The following TUSC3 variants were observed in gnomAD, a reference collection of about 807,000 sequenced individuals.
TUSC3 encodes dolichyl-diphosphooligosaccharide--protein glycosyltransferase subunit TUSC3.
TUSC3 carries 45 observed loss-of-function variants against 44.8 expected under a neutral mutation model. The ratio of observed to expected loss-of-function variants is 1.00; its 90% confidence interval spans 0.79 to 1.29. The LOEUF (loss-of-function observed/expected upper bound fraction) is 1.29, where lower values mean the gene tolerates loss of function less well. Ranked by LOEUF, TUSC3 falls within the 50% of genes most tolerant of loss-of-function variation. The probability of loss-of-function intolerance (pLI) is 0.00; values close to 1 mark genes in which losing one functional copy is unlikely to be tolerated. For synonymous variants in TUSC3, 212 were observed against 152.9 expected (o/e 1.39, Z -2.85); for missense variants, 519 against 437.9 (o/e 1.19, Z -1.65).
intron 1 of TUSC3, among the ~76,000 whole-genome samples, chr8:15,422,571 A>T (rs185419159): frequency 1.3e-5 from 2 of 152,310 alleles, no homozygotes; most frequent in East Asian, 3.9e-4. Flanking sequence ...AAGACGGTAG[A>T]TTTTAACTGC....
intron 1 of TUSC3, among the ~76,000 whole-genome samples, chr8:15,461,324 C>T (rs919086439): frequency 2.0e-5 from 3 of 151,952 alleles, no homozygotes; most frequent in Non-Finnish European, 4.4e-5. Flanking sequence ...AAGTTCTTGA[C>T]TTGATTCTCT....
At chr8:15,823,370 T>G in the TUSC3 span, among the ~76,000 whole-genome samples, 1 of 152,162 alleles carries the variant, frequency 6.6e-6, no homozygotes, top group Admixed American at 6.6e-5. Context: ...GACTGCCTCA[T>G]TTCAAAACTC....
chr8:15,431,951 T>G (rs1455784222), intron 1 of TUSC3, among the ~76,000 whole-genome samples: 1 of 151,842 alleles, frequency 6.6e-6, no homozygotes, highest in Non-Finnish European at 1.5e-5. Flanking sequence ...GCACTATCTT[T>G]GCATTCCAGG....
At chr8:15,762,592 G>A (rs1369086069) in intron 10 of TUSC3, among the ~76,000 whole-genome samples, 1 of 152,022 alleles carries the variant, frequency 6.6e-6, no homozygotes, top group Non-Finnish European at 1.5e-5. Context: ...TTAGTGCTCC[G>A]TAACTTGAAA....
At chr8:15,685,197 G>T (rs2129187177) in intron 6 of TUSC3, among the ~76,000 whole-genome samples, 1 of 152,188 alleles carries the variant, frequency 6.6e-6, no homozygotes, top group Non-Finnish European at 1.5e-5. Flanking sequence ...GGTCTTTGGG[G>T]GTCTTGGGAA....
At chr8:15,754,222 T>C (rs950997752) in intron 9 of TUSC3, among the ~76,000 whole-genome samples, 2 of 152,128 alleles carry the variant, frequency 1.3e-5, no homozygotes, top group Non-Finnish European at 2.9e-5. Flanking sequence ...CTTTAGTACT[T>C]CTGCAAAGAC....
intron 2 of TUSC3, among the ~76,000 whole-genome samples, chr8:15,517,053 C>G (rs1385438843): frequency 6.6e-6 from 1 of 152,110 alleles, no homozygotes; most frequent in Non-Finnish European, 1.5e-5. Flanking sequence ...CCTTTTGTGC[C>G]TTTATACCCA....
At chr8:15,432,922 A>G (rs558180321) in intron 1 of TUSC3, among the ~76,000 whole-genome samples, 1 of 152,158 alleles carries the variant, frequency 6.6e-6, no homozygotes, top group Admixed American at 6.5e-5. Context: ...TCGTTCTCCT[A>G]AGGGCAGACC....
downstream of TUSC3, among the ~76,000 whole-genome samples, chr8:15,767,400 A>G (rs913329826): frequency 2.6e-5 from 4 of 151,856 alleles, no homozygotes; most frequent in Non-Finnish European, 5.9e-5. Flanking sequence ...GACAGCAAGG[A>G]ATTCCAGGGA....
intron 2 of TUSC3, among the ~76,000 whole-genome samples, chr8:15,490,933 A>G (rs1201919988): frequency 6.6e-6 from 1 of 152,206 alleles, no homozygotes; most frequent in Non-Finnish European, 1.5e-5. Context: ...ATCAGAAAAA[A>G]TTACAGTGCT....
At chr8:15,653,399 T>C (rs1346263042) in intron 3 of TUSC3, among the ~76,000 whole-genome samples, 3 of 152,228 alleles carry the variant, frequency 2.0e-5, no homozygotes, top group Non-Finnish European at 4.4e-5. Flanking sequence ...TGTGATATTA[T>C]TATCTTTGTG....
the TUSC3 span, among the ~76,000 whole-genome samples, chr8:15,837,219 T>G: frequency 3.3e-5 from 1 of 30,460 alleles, no homozygotes; most frequent in Non-Finnish European, 1.8e-4. Context: ...GGATTATGTC[T>G]TTTTTTTTAA....
At position 15,457,068 on chromosome 8, in the gene TUSC3, T is replaced by A. The variant is rs779935769; in HGVS notation, n.92-26318T>A. The stretch of plus-strand genomic sequence containing the variant: ...CATTCTCAGCAAACTATCGCAAGGA[T>A]AAAAAACCAAACACTGCGTGTTCTC... On this transcript the variant is annotated intron_variant and non_coding_transcript_variant, in intron 1 of 5. Coordinates refer to the TUSC3 transcript ENST00000503191. Among the ~76,000 whole-genome samples, 6 of 147,804 alleles carry A rather than the reference T, an allele frequency of 4.1e-5. 1 individual carries two copies. Among genetic ancestry groups the A allele is most frequent in the African/African-American group, 1.5e-4 (6 of 40,002 alleles).
chr8:15,608,382 A>C (rs1377701671), intron 1 of TUSC3, among the ~76,000 whole-genome samples: 1 of 152,072 alleles, frequency 6.6e-6, no homozygotes, highest in Non-Finnish European at 1.5e-5. Flanking sequence ...TTTGTCTTAT[A>C]GGGATAAATT....
At chr8:15,785,004 C>G in the TUSC3 span, among the ~76,000 whole-genome samples, 1 of 133,574 alleles carries the variant, frequency 7.5e-6, no homozygotes, top group African/African-American at 2.8e-5. Context: ...GACATTGTAC[C>G]TAATATATAT....
chr8:15,543,478 G>A (rs910382874), intron 1 of TUSC3, among the ~76,000 whole-genome samples: 1 of 151,958 alleles, frequency 6.6e-6, no homozygotes, highest in East Asian at 1.9e-4. Flanking sequence ...ATGACATCAG[G>A]CAAACGACAA....
At chr8:15,429,610 T>TG (rs915445055) in intron 1 of TUSC3, among the ~76,000 whole-genome samples, 4 of 151,688 alleles carry the variant, frequency 2.6e-5, no homozygotes, top group Admixed American at 6.6e-5. Context: ...CCCATGAACA[T>TG]GGACTGTTCT....
intron 2 of TUSC3, among the ~76,000 whole-genome samples, chr8:15,483,638 C>T (rs1000706375): frequency 8.6e-6 from 1 of 116,356 alleles, no homozygotes; most frequent in Admixed American, 9.2e-5. Flanking sequence ...CGTGCCCAGC[C>T]TAGCACTGTG....
intron 6 of TUSC3, among the ~76,000 whole-genome samples, chr8:15,687,323 G>T (rs1039563331): frequency 2.6e-5 from 4 of 152,160 alleles, no homozygotes; most frequent in African/African-American, 9.7e-5. Context: ...TCAGTCTTCA[G>T]AGCCTCGCTT....
Sources: gnomAD v4.1 joint callset for allele counts (sites outside exome capture counted in the v4.1 genomes callset) on GRCh38, gnomAD v4.1.1 for gene constraint, MANE v1.5 for transcripts, NCBI Gene and HGNC (gene_info 2026-07-23, HGNC 2026-07-21) for gene names.